Variants in GRIA4 observed in about 807,000 individuals in gnomAD.
GRIA4 encodes the protein glutamate ionotropic receptor AMPA type subunit 4.
A neutral mutation model predicts 104.0 loss-of-function variants in GRIA4; 34 were observed. That is an observed-to-expected ratio of 0.33 (90% CI 0.25 to 0.44). GRIA4 has a LOEUF of 0.44. Ranked by LOEUF, GRIA4 falls within the 20% of genes least tolerant of loss-of-function variation. GRIA4 has a pLI of 1.00. For synonymous variants in GRIA4, 386 were observed against 381.9 expected (o/e 1.01, Z -0.13); for missense variants, 750 against 1,096.5 (o/e 0.68, Z 4.46).
chr11:105,810,638 C>A (rs746715355), intron 4 of GRIA4, among the ~76,000 whole-genome samples: 1 of 152,162 alleles, frequency 6.6e-6, no homozygotes, highest in Non-Finnish European at 1.5e-5. Context: ...AAAGGAAATT[C>A]CATGAGGAGC....
intron 5 of GRIA4, among the ~76,000 whole-genome samples, chr11:105,880,837 G>A (rs957185283): frequency 2.0e-5 from 3 of 152,254 alleles, no homozygotes; most frequent in African/African-American, 7.2e-5. Flanking sequence ...AATACCTAGA[G>A]AGTAAGTATT....
At chr11:105,764,340 C>G (rs1021737520) in intron 4 of GRIA4, among the ~76,000 whole-genome samples, 3 of 152,150 alleles carry the variant, frequency 2.0e-5, no homozygotes, top group African/African-American at 7.2e-5. Context: ...AGGGTTTCAC[C>G]ATGTTGGCCA....
intron 3 of GRIA4, among the ~76,000 whole-genome samples, chr11:105,622,773 G>T (rs542254737): frequency 6.6e-6 from 1 of 151,752 alleles, no homozygotes; most frequent in African/African-American, 2.4e-5. Flanking sequence ...GGCATTTAGA[G>T]TATGCTTTAC....
chr11:105,783,744 TTGTGTGTGTGTGTG>T (rs56222983), intron 4 of GRIA4, among the ~76,000 whole-genome samples: 42 of 145,456 alleles, frequency 2.9e-4, no homozygotes, highest in East Asian at 1.6e-3. Flanking sequence ...TGGATGTTAT[TTGTGTGTGTGTGTG>T]TGTGTGTGTG....
intron 3 of GRIA4, among the ~76,000 whole-genome samples, chr11:105,692,043 C>A (rs1348690060): frequency 6.7e-6 from 1 of 150,346 alleles, no homozygotes; most frequent in African/African-American, 2.5e-5. Context: ...AATAAGTGAA[C>A]CCCATAGTGG....
At chr11:105,625,761 A>G (rs1164741186) in intron 3 of GRIA4, among the ~76,000 whole-genome samples, 1 of 152,108 alleles carries the variant, frequency 6.6e-6, no homozygotes, top group African/African-American at 2.4e-5. Context: ...ATTCAGTTAC[A>G]TCATTATATT....
At chr11:105,761,388 C>T (rs1940642227) in intron 4 of GRIA4, among the ~76,000 whole-genome samples, 1 of 152,094 alleles carries the variant, frequency 6.6e-6, no homozygotes, top group Non-Finnish European at 1.5e-5. Context: ...TTTGGTGCCA[C>T]AACTGCCATT....
At chr11:105,831,457 G>A (rs183870651) in intron 4 of GRIA4, among the ~76,000 whole-genome samples, 1 of 151,956 alleles carries the variant, frequency 6.6e-6, no homozygotes. Context: ...ACGGGAAAAG[G>A]ACACTGTTGG....
At chr11:105,731,887 G>A (rs1164008141) in intron 3 of GRIA4, among the ~76,000 whole-genome samples, 1 of 151,978 alleles carries the variant, frequency 6.6e-6, no homozygotes, top group Non-Finnish European at 1.5e-5. Flanking sequence ...GGGGGTGGGG[G>A]ACAAGGGGAG....
At chr11:105,764,426 T>C (rs894006151) in intron 4 of GRIA4, among the ~76,000 whole-genome samples, 1 of 152,208 alleles carries the variant, frequency 6.6e-6, no homozygotes, top group African/African-American at 2.4e-5. Context: ...ATGTTTGTTA[T>C]TTGAATCATT....
intron 4 of GRIA4, among the ~76,000 whole-genome samples, chr11:105,861,732 G>C (rs766916569): frequency 3.9e-5 from 6 of 152,084 alleles, no homozygotes; most frequent in Non-Finnish European, 8.8e-5. Flanking sequence ...ATTTGGTTTG[G>C]GGTTTGTCTC....
intron 5 of GRIA4, among the ~76,000 whole-genome samples, chr11:105,873,988 G>T (rs1207101119): frequency 6.6e-6 from 1 of 152,072 alleles, no homozygotes; most frequent in Non-Finnish European, 1.5e-5. Flanking sequence ...TGAAGTCTTT[G>T]CCCATGCCTA....
intron 4 of GRIA4, among the ~76,000 whole-genome samples, chr11:105,764,568 G>A (rs953820006): frequency 2.6e-5 from 4 of 152,028 alleles, no homozygotes; most frequent in Admixed American, 6.6e-5. Flanking sequence ...CCCTTCTAAA[G>A]TAAATTTATA....
chr11:105,929,294 G>C (rs1168555558), intron 13 of GRIA4, among the ~76,000 whole-genome samples: 1 of 151,990 alleles, frequency 6.6e-6, no homozygotes, highest in East Asian at 1.9e-4. Context: ...AGCTCCACTA[G>C]GCTGCCTCAG....
chr11:105,926,939 A>G lies in GRIA4; in HGVS notation c.2046A>G (p.Arg682=). ...CAGGATCAACAAAAGAATTCTTCAG[A>G]GTAAGTTAAGGGAAAAACTAAAAAT... ...LDSGSTKEFF[R]RSKIAVYEKM... Residue 682 remains arginine, a splice_region_variant and synonymous_variant, in exon 13 of 17, where the codon AGA becomes AGG. Transcript: ENST00000282499. 6.3e-7 allele frequency: 1 copy of G among 1,596,344 alleles called. No homozygotes were observed. The highest frequency in any genetic ancestry group is 8.6e-7 in the Non-Finnish European group (1 of 1,164,674).
intron 4 of GRIA4, among the ~76,000 whole-genome samples, chr11:105,795,537 T>A (rs142025318): frequency 1.3e-5 from 2 of 152,184 alleles, no homozygotes; most frequent in East Asian, 3.9e-4. Flanking sequence ...GAGATCATCT[T>A]AGGCCAAGTG....
intron 3 of GRIA4, among the ~76,000 whole-genome samples, chr11:105,668,243 A>ACTATAT (rs1565449529): frequency 7.1e-6 from 1 of 140,026 alleles, no homozygotes; most frequent in Admixed American, 7.3e-5. Context: ...ATATATATAT[A>ACTATAT]TATACTATAT....
chr11:105,742,655 G>T (rs1006603642), intron 3 of GRIA4, among the ~76,000 whole-genome samples: 1 of 151,814 alleles, frequency 6.6e-6, no homozygotes, highest in Non-Finnish European at 1.5e-5. Flanking sequence ...ACCCTTTAAA[G>T]TCATATTCCT....
chr11:105,628,337 G>A (rs1253981544), intron 3 of GRIA4, among the ~76,000 whole-genome samples: 3 of 152,082 alleles, frequency 2.0e-5, no homozygotes, highest in African/African-American at 2.4e-5. Flanking sequence ...TCATATATCA[G>A]ATCTTTCATG....
Sources: allele counts gnomAD v4.1 joint callset (sites outside exome capture counted in the v4.1 genomes callset), GRCh38; gene constraint gnomAD v4.1.1; transcripts MANE v1.5; gene names NCBI Gene and HGNC (gene_info 2026-07-23, HGNC 2026-07-21).